PEX14: variants seen among roughly 807,000 people sequenced by gnomAD.
PEX14 encodes peroxisomal membrane protein PEX14.
PEX14 carries 15 observed loss-of-function variants against 49.5 expected under a neutral mutation model. The observed-to-expected ratio is 0.30, with a 90% CI of 0.20 to 0.47. PEX14 has a LOEUF of 0.47. Among genes scored for constraint, PEX14 ranks in the 20% least tolerant of loss-of-function variants. The probability of loss-of-function intolerance (pLI) is 1.00; values close to 1 mark genes in which losing one functional copy is unlikely to be tolerated. For missense variants in PEX14, 398 were observed against 494.8 expected, an observed-to-expected ratio of 0.80 and a Z score of 1.86; for synonymous variants, 210 against 212.7, an observed-to-expected ratio of 0.99 and a Z score of 0.11.
intron 3 of PEX14, among the ~76,000 whole-genome samples, chr1:10,544,140 C>T (rs1377250835): frequency 2.6e-5 from 4 of 152,152 alleles, no homozygotes; most frequent in Non-Finnish European, 5.9e-5. Context: ...CACTATGACC[C>T]TAGTATGTAG....
At chr1:10,518,730 C>G (rs1309018433) in intron 2 of PEX14, among the ~76,000 whole-genome samples, 1 of 152,140 alleles carries the variant, frequency 6.6e-6, no homozygotes, top group African/African-American at 2.4e-5. Context: ...ATTTTTCCTT[C>G]AGTTGCCTGC....
At chr1:10,608,989 C>T (rs2124618241) in intron 4 of PEX14, among the ~76,000 whole-genome samples, 1 of 152,296 alleles carries the variant, frequency 6.6e-6, no homozygotes, top group South Asian at 2.1e-4. Context: ...CTTTTCTGGA[C>T]ATTTCAGGTA....
At chr1:10,541,439 T>A (rs1005127442) in intron 3 of PEX14, among the ~76,000 whole-genome samples, 1 of 152,254 alleles carries the variant, frequency 6.6e-6, no homozygotes, top group Non-Finnish European at 1.5e-5. Context: ...CCGCACCCAC[T>A]TCCTGCTCTT....
intron 3 of PEX14, among the ~76,000 whole-genome samples, chr1:10,556,372 T>C (rs1160293059): frequency 6.6e-6 from 1 of 152,162 alleles, no homozygotes; most frequent in Non-Finnish European, 1.5e-5. Flanking sequence ...CCTGTACCCC[T>C]CATTAGGGAC....
At chr1:10,519,074 A>AC (rs1164840054) in intron 2 of PEX14, among the ~76,000 whole-genome samples, 12 of 152,158 alleles carry the variant, frequency 7.9e-5, no homozygotes, top group African/African-American at 2.9e-4. Flanking sequence ...ACGTTGTCCA[A>AC]CAGGGGGTGA....
At chr1:10,478,600 A>C (rs905802110) in intron 1 of PEX14, among the ~76,000 whole-genome samples, 9 of 152,036 alleles carry the variant, frequency 5.9e-5, no homozygotes, top group African/African-American at 2.2e-4. Context: ...TGATCTATTG[A>C]TTGAGACAGG....
At chr1:10,572,867 C>T (rs1028234820) in intron 3 of PEX14, among the ~76,000 whole-genome samples, 1 of 152,134 alleles carries the variant, frequency 6.6e-6, no homozygotes, top group African/African-American at 2.4e-5. Flanking sequence ...TGTCATTAGA[C>T]AATTTCATTG....
At chr1:10,551,149 C>A (rs1639322255) in intron 3 of PEX14, among the ~76,000 whole-genome samples, 1 of 152,136 alleles carries the variant, frequency 6.6e-6, no homozygotes, top group Non-Finnish European at 1.5e-5. Context: ...CATCTTGCAG[C>A]AAATACATGG....
At chr1:10,587,583 AT>A (rs1640532497) in intron 3 of PEX14, among the ~76,000 whole-genome samples, 1 of 152,232 alleles carries the variant, frequency 6.6e-6, no homozygotes, top group Non-Finnish European at 1.5e-5. Flanking sequence ...GACAGGTCTT[AT>A]TAAAATTAAA....
At chr1:10,515,455 G>A (rs555511339) in intron 2 of PEX14, among the ~76,000 whole-genome samples, 1 of 152,276 alleles carries the variant, frequency 6.6e-6, no homozygotes, top group Admixed American at 6.5e-5. Context: ...TAGAACTCGT[G>A]TGTCCCAGGA....
chr1:10,499,231 T>C (rs1641623584), intron 2 of PEX14, among the ~76,000 whole-genome samples: 3 of 152,242 alleles, frequency 2.0e-5, no homozygotes, highest in Admixed American at 1.3e-4. Context: ...AGTTTCTCAA[T>C]GTTCAGCAAT....
chr1:10,520,826 G>T (rs1638263590), intron 2 of PEX14, among the ~76,000 whole-genome samples: 1 of 152,158 alleles, frequency 6.6e-6, no homozygotes, highest in Admixed American at 6.5e-5. Context: ...TTCTGTAAAT[G>T]TACAGGGCAG....
chr1:10,549,139 AT>A (rs1250056773), intron 3 of PEX14, among the ~76,000 whole-genome samples: 2 of 152,178 alleles, frequency 1.3e-5, no homozygotes, highest in Non-Finnish European at 2.9e-5. Flanking sequence ...GAAAAAAAAA[AT>A]CATGACCCTC....
Position 10,474,959 on chromosome 1 carries a change from T to C in PEX14, c.-8T>C. ...CCAGCGGCGGTTGATTAGTCAGGCC[T>C]CAGAAAGATGGCGTCCTCGGAGCAG... On this transcript the variant is annotated 5_prime_UTR_variant, in exon 1 of 9. Coordinates refer to ENST00000356607, the MANE Select transcript of PEX14 (RefSeq NM_004565.3). 1.2e-6 allele frequency: 2 copies of C among 1,607,314 alleles called. No homozygotes were observed. The highest frequency in any genetic ancestry group is 1.7e-6 in the Non-Finnish European group (2 of 1,177,100).
chr1:10,528,750 A>G (rs1258806165), intron 2 of PEX14, among the ~76,000 whole-genome samples: 2 of 152,202 alleles, frequency 1.3e-5, no homozygotes, highest in African/African-American at 2.4e-5. Context: ...GAATTGAACT[A>G]CTTGTCTTTC....
chr1:10,591,136 T>G (rs1226503309), intron 3 of PEX14, among the ~76,000 whole-genome samples: 1 of 152,222 alleles, frequency 6.6e-6, no homozygotes, highest in East Asian at 1.9e-4. Flanking sequence ...AATGTTTGTT[T>G]TGTTGCAATG....
intron 4 of PEX14, among the ~76,000 whole-genome samples, chr1:10,614,003 T>G (rs1042793544): frequency 6.6e-5 from 10 of 152,222 alleles, no homozygotes; most frequent in Admixed American, 2.6e-4. Flanking sequence ...CGGGGAGGTG[T>G]GTTCCCAGGC....
At chr1:10,586,628 C>CTTTTTTTTTTTT (rs35743829) in intron 3 of PEX14, among the ~76,000 whole-genome samples, 1 of 93,012 alleles carries the variant, frequency 1.1e-5, no homozygotes, top group African/African-American at 3.5e-5. Flanking sequence ...AGCCGTTTAC[C>CTTTTTTTTTTTT]TTTTTTTTTT....
intron 1 of PEX14, among the ~76,000 whole-genome samples, chr1:10,492,590 A>G (rs1242975714): frequency 6.6e-6 from 1 of 152,234 alleles, no homozygotes. Context: ...TAAAGGAGGA[A>G]AGAGCTAAGT....
Sources: allele counts gnomAD v4.1 joint callset (sites outside exome capture counted in the v4.1 genomes callset), GRCh38; gene constraint gnomAD v4.1.1; transcripts MANE v1.5; gene names NCBI Gene and HGNC (gene_info 2026-07-23, HGNC 2026-07-21).